Variants in WASF2 observed in about 807,000 individuals in gnomAD.
WASF2 encodes the protein WASP family member 2, also known as actin-binding protein WASF2.
A neutral mutation model predicts 45.0 loss-of-function variants in WASF2; 14 were observed. The observed-to-expected ratio is 0.31, with a 90% confidence interval of 0.21 to 0.49. The LOEUF (loss-of-function observed/expected upper bound fraction) is 0.49. Ranked by LOEUF, WASF2 falls within the 20% of genes least tolerant of loss-of-function variation. The probability of loss-of-function intolerance (pLI) is 0.99; values close to 1 mark genes in which losing one functional copy is unlikely to be tolerated. For synonymous variants in WASF2, 200 were observed against 236.3 expected (o/e 0.85, Z 1.41); for missense variants, 439 against 636.1 (o/e 0.69, Z 3.33).
chr1:27,466,879 T>C (rs937298545), intron 1 of WASF2, among the ~76,000 whole-genome samples: 7 of 152,002 alleles, frequency 4.6e-5, no homozygotes, highest in Admixed American at 3.9e-4. Flanking sequence ...ATCACAATAA[T>C]TTTTTATTGA....
intron 1 of WASF2, among the ~76,000 whole-genome samples, chr1:27,461,559 C>T (rs1017786915): frequency 6.6e-6 from 1 of 151,172 alleles, no homozygotes; most frequent in Admixed American, 6.6e-5. Context: ...GCCTCCCGGG[C>T]TCACTCCATT....
At chr1:27,475,167 C>T (rs9438520) in intron 1 of WASF2, among the ~76,000 whole-genome samples, 22,558 of 151,928 alleles carry the variant, frequency 0.15, 2,190 homozygotes, top group East Asian at 0.38. Context: ...GTCCCAGTTA[C>T]GCAGGAGGCT....
At chr1:27,423,399 T>C (rs1205258396) in intron 2 of WASF2, among the ~76,000 whole-genome samples, 1 of 152,168 alleles carries the variant, frequency 6.6e-6, no homozygotes, top group Non-Finnish European at 1.5e-5. Context: ...TTGGCCAGGC[T>C]GGTCTCGAAC....
chr1:27,475,407 G>A (rs1310145315), intron 1 of WASF2, among the ~76,000 whole-genome samples: 3 of 152,146 alleles, frequency 2.0e-5, no homozygotes. Flanking sequence ...GGATTTTCCT[G>A]ATTCAGGGCT....
At chr1:27,460,092 A>G (rs1219209692) in intron 1 of WASF2, among the ~76,000 whole-genome samples, 1 of 152,220 alleles carries the variant, frequency 6.6e-6, no homozygotes, top group Non-Finnish European at 1.5e-5. Context: ...GGTTATTTCC[A>G]AGTATCTATA....
rs1178485533 is a variant in WASF2 at position 27,453,826 on chromosome 1, T to G, written c.-43-24893A>C. Among the ~76,000 whole-genome samples the G allele has an allele frequency of 3.3e-5, 5 of 151,796 alleles. No homozygotes were observed. The East Asian group carries it at 9.7e-4, about 29-fold the overall frequency. ...GATGCTTGAACCTGGGAGGCAGAGG[T>G]TGCAGTGAGCTGGGATCACGCCACT... On this transcript the variant is annotated intron_variant, in intron 1 of 8. Coordinates refer to ENST00000618852, the MANE Select transcript of WASF2 (RefSeq NM_006990.5).
chr1:27,424,131 C>T (rs893939288), intron 2 of WASF2, among the ~76,000 whole-genome samples: 7 of 152,176 alleles, frequency 4.6e-5, no homozygotes, highest in African/African-American at 1.7e-4. Flanking sequence ...TAGTTTTATG[C>T]TTTATCCATT....
At chr1:27,450,709 G>C (rs576903238) in intron 1 of WASF2, among the ~76,000 whole-genome samples, 46 of 152,070 alleles carry the variant, frequency 3.0e-4, no homozygotes, top group African/African-American at 1.0e-3. Context: ...ATGTTGCCTA[G>C]GCTGGTCTCG....
In WASF2 at chr1:27,432,704, G is replaced by A. The variant is rs370294509; in HGVS notation, c.-43-3771C>T. Among the ~76,000 whole-genome samples, 151 of 147,262 alleles carry A rather than the reference G, an allele frequency of 1.0e-3. 5 individuals carry two copies. In the South Asian group the frequency reaches 0.032, roughly 31 times the overall value. ...TTATTTGTGGTTCCACAGACCCTAG[G>A]CAAATCCTCCTGTAGAATAAATCCT... On this transcript the variant is annotated intron_variant, in intron 1 of 8. Transcript: ENST00000618852.
intron 1 of WASF2, among the ~76,000 whole-genome samples, chr1:27,445,336 C>A (rs2017297255): frequency 6.6e-6 from 1 of 152,174 alleles, no homozygotes; most frequent in Non-Finnish European, 1.5e-5. Flanking sequence ...AGACAGACAG[C>A]TTTCAAACCC....
intron 8 of WASF2, among the ~76,000 whole-genome samples, chr1:27,409,428 CAAA>C (rs60940665): frequency 5.0e-4 from 22 of 43,688 alleles, no homozygotes; most frequent in African/African-American, 1.2e-3. Flanking sequence ...CTGTCCCCCA[CAAA>C]AAAAAAAAAA....
intron 2 of WASF2, among the ~76,000 whole-genome samples, chr1:27,422,618 C>CAAAA (rs782035111): frequency 1.6e-5 from 2 of 128,794 alleles, no homozygotes; most frequent in African/African-American, 3.0e-5. Flanking sequence ...GACTCCGTCT[C>CAAAA]AAAAAAAAAA....
intron 1 of WASF2, among the ~76,000 whole-genome samples, chr1:27,469,287 G>A (rs2017658632): frequency 6.6e-6 from 1 of 152,078 alleles, no homozygotes. Context: ...GGCATGTAAG[G>A]CCTCACTATA....
intron 5 of WASF2, 80 bp from the exon 6 acceptor site, chr1:27,415,043 G>A: frequency 1.3e-6 from 2 of 1,525,366 alleles, no homozygotes; most frequent in South Asian, 1.2e-5. Flanking sequence ...CTTCATGGAT[G>A]CGTATCTAAG....
At chr1:27,445,158 T>C (rs534005153) in intron 1 of WASF2, among the ~76,000 whole-genome samples, 1 of 152,384 alleles carries the variant, frequency 6.6e-6, no homozygotes, top group Non-Finnish European at 1.5e-5. Flanking sequence ...CATCCTACAG[T>C]GTCTGCTCAA....
intron 4 of WASF2, among the ~76,000 whole-genome samples, chr1:27,416,776 T>C (rs770728035): frequency 1.3e-4 from 20 of 152,328 alleles, no homozygotes; most frequent in Non-Finnish European, 2.6e-4. Context: ...TTCTAATTAA[T>C]GGCTGTGCCA....
Position 27,410,192 on chromosome 1 carries a change from T to C in WASF2, c.839A>G (p.Asn280Ser), listed in dbSNP as rs764951378. ...PPAEFSYPVD[N>S]QRGSGLAGPK... Reference sequence around the variant, plus strand: ...TCCAGCCAAACCAGATCCTCTTTGGTTGTCCACTGGGTAACTAAAAGGCCA... The same window carrying C: ...TCCAGCCAAACCAGATCCTCTTTGGCTGTCCACTGGGTAACTAAAAGGCCA... The change falls in exon 8 of 9, where the codon AAC becomes AGC. Residue 280 changes from asparagine (N) to serine (S), a missense_variant. Around this residue, in one of 5 missense-constraint regions of WASF2, gnomAD observed 286 missense variants for 373.5 expected, o/e 0.77. Transcript: ENST00000618852. This position sits in a 1 kb window ranked among gnomAD's most constrained non-coding sequence, Gnocchi z 4.2. The C allele has an allele frequency of 5.0e-6, 8 of 1,613,920 alleles. No homozygotes were observed. In the Admixed American group the frequency reaches 1.0e-4, roughly 20 times the overall value.
intron 1 of WASF2, among the ~76,000 whole-genome samples, chr1:27,432,188 T>C (rs1460527630): frequency 6.6e-6 from 1 of 152,146 alleles, no homozygotes; most frequent in African/African-American, 2.4e-5. Context: ...CCAGGCTCTC[T>C]CTCTCACACT....
At chr1:27,474,962 C>CAAAA (rs1405382930) in intron 1 of WASF2, among the ~76,000 whole-genome samples, 5 of 151,218 alleles carry the variant, frequency 3.3e-5, no homozygotes, top group Non-Finnish European at 1.5e-5. Context: ...AAAAACAAAA[C>CAAAA]AAAACAAAAC....
Sources: allele counts gnomAD v4.1 joint callset (sites outside exome capture counted in the v4.1 genomes callset), GRCh38; gene constraint gnomAD v4.1.1; regional missense constraint gnomAD v4.1.1; non-coding constraint Gnocchi (gnomAD v3.1); transcripts MANE v1.5; gene names NCBI Gene and HGNC (gene_info 2026-07-23, HGNC 2026-07-21).